DHRS7B: variants seen among roughly 807,000 people sequenced by gnomAD.
DHRS7B encodes peroxisomal reductase activating PPAR-gamma.
Under a neutral mutation model 26.4 loss-of-function variants are expected in DHRS7B, and 24 were observed. The ratio of observed to expected loss-of-function variants is 0.91; its 90% CI spans 0.66 to 1.28. DHRS7B has a LOEUF of 1.28. DHRS7B is among the 50% of genes most tolerant of loss of function. The pLI, the probability that DHRS7B is intolerant of heterozygous loss-of-function variation, is 0.00. For synonymous variants in DHRS7B, 142 were observed against 166.4 expected (o/e 0.85, Z 1.13); for missense variants, 368 against 419.4 (o/e 0.88, Z 1.07).
At chr17:21,185,443 T>G (rs1974609477) in intron 5 of DHRS7B, among the ~76,000 whole-genome samples, 1 of 152,210 alleles carries the variant, frequency 6.6e-6, no homozygotes, top group African/African-American at 2.4e-5. Context: ...TTGGTTCTGG[T>G]TGTATTTTCT....
chr17:21,130,410 A>G (rs1973203595), intron 1 of DHRS7B, among the ~76,000 whole-genome samples: 1 of 152,132 alleles, frequency 6.6e-6, no homozygotes, highest in Non-Finnish European at 1.5e-5. Flanking sequence ...AAATAAATAA[A>G]TAAATAAACT....
intron 1 of DHRS7B, among the ~76,000 whole-genome samples, chr17:21,159,147 G>A (rs1973943136): frequency 6.6e-6 from 1 of 151,948 alleles, no homozygotes; most frequent in African/African-American, 2.4e-5. Context: ...TTGATAAACT[G>A]GACTTCATTA....
At chr17:21,153,383 A>G (rs541626177) in intron 1 of DHRS7B, among the ~76,000 whole-genome samples, 4 of 152,364 alleles carry the variant, frequency 2.6e-5, no homozygotes, top group African/African-American at 9.6e-5. Context: ...AACAGGAACA[A>G]AATATCCAAG....
chr17:21,138,543 A>G (rs1379272875), intron 1 of DHRS7B, among the ~76,000 whole-genome samples: 2 of 151,890 alleles, frequency 1.3e-5, no homozygotes, highest in Admixed American at 6.6e-5. Context: ...TTCTTAAACA[A>G]CCAGTCATTT....
intron 1 of DHRS7B, chr17:21,128,459 A>C (rs1973149852): frequency 6.6e-6 from 1 of 152,212 alleles, no homozygotes; most frequent in African/African-American, 2.4e-5. Flanking sequence ...GCACTTTGGG[A>C]GGCCAAGGCG....
intron 1 of DHRS7B, among the ~76,000 whole-genome samples, chr17:21,142,306 G>C (rs1170543175): frequency 6.6e-6 from 1 of 152,138 alleles, no homozygotes; most frequent in Admixed American, 6.6e-5. Flanking sequence ...ACCGTGTCTG[G>C]AATCTATAGA....
At chr17:21,164,961 C>A (rs1974079086) in intron 1 of DHRS7B, among the ~76,000 whole-genome samples, 1 of 152,228 alleles carries the variant, frequency 6.6e-6, no homozygotes, top group South Asian at 2.1e-4. Flanking sequence ...GCTGCTATTG[C>A]TTGGAACGTT....
At chr17:21,177,442 C>T (rs1169283855) in intron 2 of DHRS7B, among the ~76,000 whole-genome samples, 1 of 152,154 alleles carries the variant, frequency 6.6e-6, no homozygotes, top group South Asian at 2.1e-4. Flanking sequence ...TTGGACTGTC[C>T]CTGCTGTGGT....
chr17:21,182,305 A>G (rs1221209290), intron 3 of DHRS7B, among the ~76,000 whole-genome samples: 1 of 151,930 alleles, frequency 6.6e-6, no homozygotes, highest in Non-Finnish European at 1.5e-5. Context: ...CTGGAGTGCA[A>G]TGGTGCGATC....
chr17:21,146,537 C>A (rs1473033977), intron 1 of DHRS7B, among the ~76,000 whole-genome samples: 1 of 152,190 alleles, frequency 6.6e-6, no homozygotes, highest in Non-Finnish European at 1.5e-5. Flanking sequence ...TGTTCAAAGG[C>A]ACTCACTTAG....
intron 6 of DHRS7B, among the ~76,000 whole-genome samples, chr17:21,189,507 C>T (rs906993538): frequency 6.6e-6 from 1 of 152,206 alleles, no homozygotes; most frequent in Admixed American, 6.5e-5. Context: ...GGCCTGCTCA[C>T]CCCTCCAGTG....
intron 1 of DHRS7B, among the ~76,000 whole-genome samples, chr17:21,164,160 C>G (rs188746004): frequency 1.4e-3 from 217 of 151,390 alleles, no homozygotes; most frequent in African/African-American, 5.1e-3. Flanking sequence ...TCCTGAGTAG[C>G]TGGGACCACA....
At chr17:21,143,843 G>A (rs777747664) in intron 1 of DHRS7B, among the ~76,000 whole-genome samples, 34 of 152,206 alleles carry the variant, frequency 2.2e-4, no homozygotes, top group Non-Finnish European at 1.5e-4. Flanking sequence ...AGATTACAGC[G>A]AGGGAGCCTA....
At chr17:21,156,386 A>G (rs1391319192) in intron 1 of DHRS7B, among the ~76,000 whole-genome samples, 1 of 151,966 alleles carries the variant, frequency 6.6e-6, no homozygotes, top group Non-Finnish European at 1.5e-5. Flanking sequence ...CAGGTGGATT[A>G]CCTAAGATCA....
chr17:21,181,762 A>G (rs1974518761), intron 3 of DHRS7B, among the ~76,000 whole-genome samples: 2 of 152,200 alleles, frequency 1.3e-5, no homozygotes, highest in African/African-American at 4.8e-5. Context: ...CATTGTTTGT[A>G]TATAGAAACA....
intron 1 of DHRS7B, among the ~76,000 whole-genome samples, chr17:21,149,883 TAAG>T (rs746841223): frequency 6.6e-6 from 1 of 151,516 alleles, no homozygotes; most frequent in South Asian, 2.1e-4. Flanking sequence ...AACCAGAAAA[TAAG>T]GAACAAAATG....
intron 1 of DHRS7B, among the ~76,000 whole-genome samples, chr17:21,162,827 T>A (rs892089637): frequency 2.6e-5 from 4 of 152,168 alleles, no homozygotes; most frequent in Non-Finnish European, 5.9e-5. Context: ...GTATTTAGCA[T>A]TGAGAGTGTT....
intron 3 of DHRS7B, among the ~76,000 whole-genome samples, chr17:21,179,917 C>T (rs1341467466): frequency 6.6e-6 from 1 of 151,726 alleles, no homozygotes; most frequent in Non-Finnish European, 1.5e-5. Flanking sequence ...CTGGCATGCG[C>T]CACCACGCCC....
intron 1 of DHRS7B, among the ~76,000 whole-genome samples, chr17:21,134,180 A>C (rs753628311): frequency 1.3e-5 from 2 of 152,170 alleles, no homozygotes; most frequent in African/African-American, 2.4e-5. Flanking sequence ...TTGAAACATA[A>C]TTTTTCTCTC....
Sources: allele counts gnomAD v4.1 joint callset (sites outside exome capture counted in the v4.1 genomes callset), GRCh38; gene constraint gnomAD v4.1.1; transcripts MANE v1.5; gene names NCBI Gene and HGNC (gene_info 2026-07-23, HGNC 2026-07-21).